Variants in CDC73 observed in about 807,000 individuals in gnomAD.
CDC73 encodes cell division cycle 73, also known as parafibromin.
In CDC73, 21 loss-of-function variants were observed where a neutral mutation model predicts 83.7. That is an observed-to-expected ratio of 0.25 (90% confidence interval 0.18 to 0.36). The LOEUF is 0.36. Among genes scored for constraint, CDC73 ranks in the 10% least tolerant of loss-of-function variants. CDC73 has a pLI of 1.00. For missense variants in CDC73, 342 were observed against 653.3 expected, an observed-to-expected ratio of 0.52 and a Z score of 5.19; for synonymous variants, 224 against 212.9, an observed-to-expected ratio of 1.05 and a Z score of -0.45.
intron 10 of CDC73, chr1:193,181,088 C>T (rs1676706788): frequency 6.2e-7 from 1 of 1,614,028 alleles, no homozygotes; most frequent in Non-Finnish European, 8.5e-7. Context: ...CCAGGCTCTG[C>T]AGCTATTAGT....
At chr1:193,239,015 A>G (rs1405999916) in intron 15 of CDC73, among the ~76,000 whole-genome samples, 1 of 152,202 alleles carries the variant, frequency 6.6e-6, no homozygotes, top group African/African-American at 2.4e-5. Context: ...ATAATTTTAA[A>G]TACCCTCTCA....
In CDC73 at chr1:193,192,039, C is replaced by T. The variant is rs145483658; in HGVS notation, c.973-11756C>T. On this transcript the variant is annotated intron_variant, in intron 10 of 16. Coordinates refer to ENST00000367435, the MANE Select transcript of CDC73 (RefSeq NM_024529.5). Reference sequence around the variant, plus strand: ...GTAAATTCAAGTATATGTAAAATATCGAAACTTAAAATTCTACTAAAACTT... The same window carrying T: ...GTAAATTCAAGTATATGTAAAATATTGAAACTTAAAATTCTACTAAAACTT... Among the ~76,000 whole-genome samples the T allele has an allele frequency of 7.9e-5, 12 of 152,138 alleles. 1 individual carries two copies. The East Asian group carries it at 2.1e-3, about 27-fold the overall frequency.
In CDC73 at chr1:193,251,273, G is replaced by C. The variant is rs1678039217; in HGVS notation, c.*561G>C. 1 of 231,744 alleles carries C rather than the reference G, an allele frequency of 4.3e-6. No homozygotes were observed. Among genetic ancestry groups the C allele is most frequent in the Admixed American group, 5.6e-5 (1 of 17,704 alleles). 14.4% of individuals were successfully genotyped at this position (231,744 alleles called of 1,614,324 possible). A position where few individuals can be genotyped will look rare whatever the true frequency, so the allele number is the denominator to read the frequency against. ...TTCTTCAATTTGATTGAACTGTTCA[G>C]CCTTTTCAAGATTTCTTTATTTACA... On this transcript the variant is annotated 3_prime_UTR_variant, in exon 17 of 17. Transcript: ENST00000367435.
chr1:193,163,598 G>T (rs545973514), intron 10 of CDC73, among the ~76,000 whole-genome samples: 7 of 152,118 alleles, frequency 4.6e-5, no homozygotes, highest in Middle Eastern at 3.4e-3. Context: ...CTTTACCTAG[G>T]TTAACTGCAG....
chr1:193,149,859 C>T (rs73057918), intron 8 of CDC73, among the ~76,000 whole-genome samples: 6,488 of 152,084 alleles, frequency 0.043, 468 homozygotes, highest in African/African-American at 0.14. Flanking sequence ...AAAAATACGT[C>T]TTCAGTCTTA....
intron 15 of CDC73, among the ~76,000 whole-genome samples, chr1:193,243,327 T>C (rs1043298682): frequency 6.6e-6 from 1 of 152,204 alleles, no homozygotes; most frequent in African/African-American, 2.4e-5. Context: ...AATATGTTGG[T>C]GTAAGTTTGT....
At chr1:193,159,300 G>T (rs887138076) in intron 10 of CDC73, among the ~76,000 whole-genome samples, 4 of 152,068 alleles carry the variant, frequency 2.6e-5, no homozygotes, top group Admixed American at 6.6e-5. Flanking sequence ...TTTGTTTTGA[G>T]GTTTAACTGT....
At chr1:193,167,005 T>C (rs765409368) in intron 10 of CDC73, among the ~76,000 whole-genome samples, 2 of 152,200 alleles carry the variant, frequency 1.3e-5, no homozygotes, top group Non-Finnish European at 2.9e-5. Context: ...ATGACCAAAA[T>C]TGATTGCAAA....
intron 10 of CDC73, chr1:193,180,375 A>C: frequency 1.2e-6 from 2 of 1,613,210 alleles, no homozygotes; most frequent in Non-Finnish European, 1.7e-6. Flanking sequence ...TTTGTTGTAA[A>C]TGGTTCCAGT....
At chr1:193,217,885 G>A (rs757179525) in intron 13 of CDC73, among the ~76,000 whole-genome samples, 1 of 152,004 alleles carries the variant, frequency 6.6e-6, no homozygotes, top group Non-Finnish European at 1.5e-5. Flanking sequence ...CAGTACTCCT[G>A]TATCAGTACT....
chr1:193,142,432 T>C (rs1675921957), intron 7 of CDC73, among the ~76,000 whole-genome samples: 1 of 152,210 alleles, frequency 6.6e-6, no homozygotes, highest in Non-Finnish European at 1.5e-5. Context: ...TATTTTTTTT[T>C]CTCACATGGT....
rs1427019076 is a variant in CDC73, at chr1:193,180,412, T to C, written c.973-23383T>C. ...TTTTATCAGTTCACTAGGCTGGAAC[T>C]GATGAGAGGTAATTAGGTGGCTGTA... On this transcript the variant is annotated intron_variant, in intron 10 of 16. Transcript: ENST00000367435. The C allele has an allele frequency of 1.9e-6, 3 of 1,614,064 alleles. 1 individual carries two copies.
At chr1:193,208,302 C>T (rs1015691805) in intron 11 of CDC73, among the ~76,000 whole-genome samples, 2 of 152,154 alleles carry the variant, frequency 1.3e-5, no homozygotes, top group African/African-American at 4.8e-5. Flanking sequence ...TCAGTGTGGT[C>T]GGTTGCCTGG....
intron 15 of CDC73, among the ~76,000 whole-genome samples, chr1:193,242,022 CT>C (rs1677870864): frequency 6.6e-6 from 1 of 151,662 alleles, no homozygotes; most frequent in African/African-American, 2.4e-5. Context: ...CCTCAGGGTG[CT>C]TTTAAATACG....
At position 193,167,670 on chromosome 1, in the gene CDC73, T is replaced by C. The variant is rs546295416; in HGVS notation, c.972+15226T>C. 1.4e-4 allele frequency among the ~76,000 whole-genome samples: 21 copies of C among 152,244 alleles called. 1 individual carries two copies. The East Asian group carries it at 3.9e-3, about 28-fold the overall frequency. ...CACAGCCTAATTTTAATTTTTTAAT[T>C]TTTGTAAAGAAATTTTGTGTTTTCT... On this transcript the variant is annotated intron_variant, in intron 10 of 16. Transcript: ENST00000367435.
At chr1:193,219,797 G>T (rs560326944) in intron 13 of CDC73, among the ~76,000 whole-genome samples, 2 of 152,108 alleles carry the variant, frequency 1.3e-5, no homozygotes, top group East Asian at 3.9e-4. Flanking sequence ...TATTACCCTG[G>T]GTCATGAAAT....
Position 193,249,701 on chromosome 1 carries a change from A to G in CDC73, c.1418-29A>G, listed in dbSNP as rs536330393. 1.8e-4 allele frequency: 287 copies of G among 1,578,202 alleles called. 3 individuals carry two copies. In the South Asian group the frequency reaches 3.0e-3, roughly 16 times the overall value. ...TTCTTTTTTTTTATTTTGAGTAAAA[A>G]TGATAACTTCTCTCCACCCTCTCTA... On this transcript the variant is annotated intron_variant, in intron 15 of 16. Coordinates refer to ENST00000367435, the MANE Select transcript of CDC73 (RefSeq NM_024529.5).
chr1:193,237,250 G>A (rs1572218352), intron 15 of CDC73: 1 of 151,678 alleles, frequency 6.6e-6, no homozygotes, highest in South Asian at 2.1e-4. Flanking sequence ...TTTTGTTAGT[G>A]GTACCATCAT....
intron 10 of CDC73, among the ~76,000 whole-genome samples, chr1:193,178,821 A>G (rs1382510034): frequency 6.6e-6 from 1 of 152,214 alleles, no homozygotes; most frequent in Non-Finnish European, 1.5e-5. Context: ...CAAGTTTCAC[A>G]AATGTTACAA....
Sources: gnomAD v4.1 joint callset for allele counts (sites outside exome capture counted in the v4.1 genomes callset) on GRCh38, gnomAD v4.1.1 for gene constraint, MANE v1.5 for transcripts, NCBI Gene and HGNC (gene_info 2026-07-23, HGNC 2026-07-21) for gene names.